PCDHA9: variants seen among roughly 807,000 people sequenced by gnomAD.
The protein encoded by PCDHA9 is protocadherin alpha 9, also known as protocadherin alpha-9.
In PCDHA9, 62 loss-of-function variants were observed where a neutral mutation model predicts 62.0. The ratio of observed to expected loss-of-function variants is 1.00; its 90% CI spans 0.81 to 1.23. The LOEUF (loss-of-function observed/expected upper bound fraction) is 1.23. Among genes scored for constraint, PCDHA9 ranks in the 50% most tolerant of loss-of-function variants. PCDHA9 has a pLI of 0.00. For missense variants in PCDHA9, 1,205 were observed against 1,249.8 expected (o/e 0.96, Z 0.54); for synonymous variants, 557 against 567.6 (o/e 0.98, Z 0.27).
At chr5:140,870,737 G>A in intron 1 of PCDHA9, 1 of 1,613,478 alleles carries the variant, frequency 6.2e-7, no homozygotes, top group Non-Finnish European at 8.5e-7. Flanking sequence ...CCGCCTCTGA[G>A]CAGCAACGTG....
At position 140,869,273 on chromosome 5, in the gene PCDHA9, C is replaced by A. The variant is rs782135758; in HGVS notation, c.2394+18384C>A. 1.9e-6 allele frequency: 3 copies of A among 1,613,438 alleles called. No homozygotes were observed. Among genetic ancestry groups the A allele is most frequent in the African/African-American group, 2.7e-5 (2 of 74,920 alleles). On this transcript the variant is annotated intron_variant, in intron 1 of 3. Transcript: ENST00000532602. ...GCGCAGGACCTGGGGCTGGAGCTGG[C>A]GGAGCTGGTGCAGCGCCTGTTCCGG...
chr5:140,935,566 T>A (rs2090441028), intron 1 of PCDHA9, among the ~76,000 whole-genome samples: 1 of 152,246 alleles, frequency 6.6e-6, no homozygotes, highest in Non-Finnish European at 1.5e-5. Context: ...AAAGTTCCTC[T>A]CTGTGTAGTT....
At chr5:140,884,169 C>CG (rs2153400955) in intron 1 of PCDHA9, 1 of 1,613,426 alleles carries the variant, frequency 6.2e-7, no homozygotes, top group East Asian at 2.2e-5. Context: ...ATCAGCACGA[C>CG]GCGCCCTCTG....
chr5:140,884,656 G>T (rs782439139), intron 1 of PCDHA9: 8 of 1,602,178 alleles, frequency 5.0e-6, no homozygotes, highest in Non-Finnish European at 6.8e-6. Flanking sequence ...CAGAATGCTT[G>T]AAAGAGGTAA....
At chr5:140,870,860 C>A (rs782404408) in intron 1 of PCDHA9, 6 of 1,613,882 alleles carry the variant, frequency 3.7e-6, no homozygotes, top group Non-Finnish European at 2.5e-6. Context: ...TCGGTGGGTG[C>A]GGGCCACGTG....
At chr5:140,957,900 G>A (rs2095395670) in intron 1 of PCDHA9, among the ~76,000 whole-genome samples, 1 of 151,932 alleles carries the variant, frequency 6.6e-6, no homozygotes, top group South Asian at 2.1e-4. Flanking sequence ...CATCAACCAA[G>A]GCATATTGTT....
At position 140,877,671 on chromosome 5, in the gene PCDHA9, G is replaced by T. The variant is rs138162923; in HGVS notation, c.2394+26782G>T. 2.5e-6 allele frequency: 4 copies of T among 1,613,620 alleles called. No individual in the cohort carries two copies. The South Asian group carries it at 3.3e-5, about 13-fold the overall frequency. On this transcript the variant is annotated intron_variant, in intron 1 of 3. Coordinates refer to ENST00000532602, the MANE Select transcript of PCDHA9 (RefSeq NM_031857.2). ...CGCCGCCCACCGTGAGCCGGTGCGC[G>T]CCGGGCAAGCCCACGCTGGTGTGCT...
chr5:140,857,057 G>A, intron 1 of PCDHA9: 1 of 1,596,192 alleles, frequency 6.3e-7, no homozygotes, highest in African/African-American at 1.3e-5. Flanking sequence ...CACGGTCCTA[G>A]TGGAACTACT....
chr5:140,943,581 G>A (rs1022140100), intron 1 of PCDHA9, among the ~76,000 whole-genome samples: 1 of 152,168 alleles, frequency 6.6e-6, no homozygotes, highest in Non-Finnish European at 1.5e-5. Flanking sequence ...GTTGATCTGA[G>A]TGGGGCTGAA....
Position 140,877,714 on chromosome 5 carries a change from T to G in PCDHA9, c.2394+26825T>G, listed in dbSNP as rs781999747. 3.1e-6 allele frequency: 5 copies of G among 1,613,836 alleles called. No homozygotes were observed. The highest frequency in any genetic ancestry group is 4.2e-6 in the Non-Finnish European group (5 of 1,179,978). ...GGTGTGCTCCAGCGCCGTGGGGAGTTGGTCTTACTCGCAGCAGAGGAGGCA... is the reference window on the plus strand; with the variant it reads ...GGTGTGCTCCAGCGCCGTGGGGAGTGGGTCTTACTCGCAGCAGAGGAGGCA... On this transcript the variant is annotated intron_variant, in intron 1 of 3. Coordinates refer to ENST00000532602, the MANE Select transcript of PCDHA9 (RefSeq NM_031857.2).
intron 1 of PCDHA9, among the ~76,000 whole-genome samples, chr5:140,959,240 G>A (rs1554223957): frequency 1.3e-5 from 2 of 152,074 alleles, no homozygotes; most frequent in African/African-American, 4.8e-5. Flanking sequence ...ATCTGGGCAT[G>A]ATAGTGCATG....
At chr5:140,877,490 G>T (rs2057160256) in intron 1 of PCDHA9, 2 of 1,613,718 alleles carry the variant, frequency 1.2e-6, no homozygotes, top group Non-Finnish European at 1.7e-6. Flanking sequence ...GTGGAGAACG[G>T]CCAGGCCCCA....
chr5:140,871,280 C>A, intron 1 of PCDHA9: 1 of 1,613,916 alleles, frequency 6.2e-7, no homozygotes, highest in Non-Finnish European at 8.5e-7. Context: ...TCGGCAACGC[C>A]CACTGAGGGC....
chr5:140,883,762 G>T, intron 1 of PCDHA9: 3 of 1,612,794 alleles, frequency 1.9e-6, no homozygotes, highest in Non-Finnish European at 2.5e-6. Context: ...TGGAGCGGCG[G>T]GTGGGCGAGC....
intron 1 of PCDHA9, among the ~76,000 whole-genome samples, chr5:140,939,255 A>T (rs1032457788): frequency 2.6e-5 from 4 of 152,060 alleles, no homozygotes; most frequent in Non-Finnish European, 4.4e-5. Context: ...GCTCTCTGGA[A>T]CCTCTTTTAT....
chr5:140,887,081 T>C (rs2061290342), intron 1 of PCDHA9, among the ~76,000 whole-genome samples: 1 of 152,076 alleles, frequency 6.6e-6, no homozygotes, highest in Non-Finnish European at 1.5e-5. Context: ...TCAGCTTTTG[T>C]CTGAGAAATA....
At chr5:140,878,787 T>C (rs2057727241) in intron 1 of PCDHA9, among the ~76,000 whole-genome samples, 1 of 152,222 alleles carries the variant, frequency 6.6e-6, no homozygotes, top group Admixed American at 6.5e-5. Flanking sequence ...ATATGTTCAA[T>C]CACTTTTTAA....
chr5:140,876,481 C>T (rs1442284424), intron 1 of PCDHA9: 9 of 1,613,878 alleles, frequency 5.6e-6, no homozygotes, highest in Admixed American at 1.7e-5. Flanking sequence ...CAGCATGGTC[C>T]TGGTGGAAGT....
intron 1 of PCDHA9, among the ~76,000 whole-genome samples, chr5:140,872,251 T>C (rs557937835): frequency 3.3e-5 from 5 of 152,196 alleles, no homozygotes; most frequent in Non-Finnish European, 7.3e-5. Flanking sequence ...CCTGTGATAA[T>C]ACTTGTTTTC....
Sources: allele counts gnomAD v4.1 joint callset (sites outside exome capture counted in the v4.1 genomes callset), GRCh38; gene constraint gnomAD v4.1.1; transcripts MANE v1.5; gene names NCBI Gene and HGNC (gene_info 2026-07-23, HGNC 2026-07-21).